ACOX1: variants seen among roughly 807,000 people sequenced by gnomAD.
ACOX1 encodes acyl-CoA oxidase 1.
A neutral mutation model predicts 75.5 loss-of-function variants in ACOX1; 41 were observed. The ratio of observed to expected loss-of-function variants is 0.54; its 90% CI spans 0.42 to 0.70. ACOX1 has a LOEUF of 0.70. Ranked by LOEUF, ACOX1 falls within the 30% of genes least tolerant of loss-of-function variation. The pLI is 0.00. For missense variants in ACOX1, 630 were observed against 837.5 expected (o/e 0.75, Z 3.06); for synonymous variants, 303 against 298.8 (o/e 1.01, Z -0.15).
chr17:75,943,902 A>G lies in ACOX1; in HGVS notation c.*2846T>C, dbSNP rs2065696430. 1 of 152,198 alleles carries G rather than the reference A, an allele frequency of 6.6e-6. No individual in the cohort carries two copies. The allele number at this position is 152,198 out of a possible 1,614,324, so 9.4% of individuals were successfully genotyped here. ...ACTTTTTAAAAAAAGGCTTAAATCA[A>G]TATTATCTAACACACACAAAAAATC... On this transcript the variant is annotated 3_prime_UTR_variant, in exon 14 of 14. Transcript: ENST00000293217.
At chr17:75,946,852 A>G in intron 13 of ACOX1, 57 bp from the exon 14 acceptor site, 2 of 1,528,990 alleles carry the variant, frequency 1.3e-6, no homozygotes, top group Non-Finnish European at 1.8e-6. Flanking sequence ...GTTAAATAGT[A>G]TACTGTTTTT....
At chr17:75,959,028 T>A (rs2065865325) in intron 3 of ACOX1, among the ~76,000 whole-genome samples, 1 of 152,262 alleles carries the variant, frequency 6.6e-6, no homozygotes, top group Non-Finnish European at 1.5e-5. Context: ...ATGTTTTAAA[T>A]CTTAACACAA....
chr17:75,946,426 A>C lies in ACOX1; in HGVS notation c.*322T>G. The C allele has an allele frequency of 5.4e-6, 2 of 367,024 alleles. No homozygotes were observed. The highest frequency in any genetic ancestry group is 1.0e-5 in the Non-Finnish European group (2 of 191,386). 22.7% of individuals were successfully genotyped at this position (367,024 alleles called of 1,614,324 possible). On this transcript the variant is annotated 3_prime_UTR_variant, in exon 14 of 14. Coordinates refer to ENST00000293217, the MANE Select transcript of ACOX1 (RefSeq NM_004035.7). ...TGATTAGCAATTAAAATGTGAAAATAATCAACTACTCAGTAGTTAAATTCT... is the reference window on the plus strand; with the variant it reads ...TGATTAGCAATTAAAATGTGAAAATCATCAACTACTCAGTAGTTAAATTCT...
chr17:75,962,528 T>C (rs552159691), intron 2 of ACOX1, among the ~76,000 whole-genome samples: 1 of 152,294 alleles, frequency 6.6e-6, no homozygotes, highest in Non-Finnish European at 1.5e-5. Flanking sequence ...TAAATGACAG[T>C]TCAGTTTTTA....
At chr17:75,961,187 G>A (rs1226579370) in intron 2 of ACOX1, among the ~76,000 whole-genome samples, 1 of 151,166 alleles carries the variant, frequency 6.6e-6, no homozygotes, top group South Asian at 2.1e-4. Context: ...CAGCTACTCA[G>A]GAGGCTGAGG....
At position 75,971,892 on chromosome 17, in the gene ACOX1, A is replaced by T. The variant is rs533710175; in HGVS notation, c.269+6642T>A. Among the ~76,000 whole-genome samples, 14 of 152,356 alleles carry T rather than the reference A, an allele frequency of 9.2e-5. No individual in the cohort carries two copies. The South Asian group carries it at 2.9e-3, about 32-fold the overall frequency. On this transcript the variant is annotated intron_variant, in intron 2 of 13. Coordinates refer to ENST00000293217, the MANE Select transcript of ACOX1 (RefSeq NM_004035.7). The stretch of plus-strand genomic sequence containing the variant: ...ACATCTTATGCCTCCTATGAACAGC[A>T]TGACTGTTAAGTCGAATAAATTCTA...
intron 2 of ACOX1, among the ~76,000 whole-genome samples, chr17:75,968,484 T>C (rs1467021458): frequency 7.6e-6 from 1 of 131,442 alleles, no homozygotes; most frequent in East Asian, 2.1e-4. Context: ...AGGGTGCCAG[T>C]AGTACCAGCT....
intron 3 of ACOX1, among the ~76,000 whole-genome samples, chr17:75,958,557 C>G (rs947907812): frequency 6.6e-6 from 1 of 150,718 alleles, no homozygotes; most frequent in Non-Finnish European, 1.5e-5. Context: ...GCCTGTAATC[C>G]CAGCACTTTG....
chr17:75,946,819 A>G, intron 13 of ACOX1, 24 bp from the exon 14 acceptor site: 14 of 1,609,426 alleles, frequency 8.7e-6, no homozygotes, highest in African/African-American at 1.3e-5. Flanking sequence ...AGAGAGAAGA[A>G]CTACTAATAA....
In ACOX1 at chr17:75,949,271, T is replaced by C; in HGVS notation, c.1674A>G (p.Leu558=). The C allele has an allele frequency of 1.2e-6, 2 of 1,614,242 alleles. No homozygotes were observed. Among genetic ancestry groups the C allele is most frequent in the Non-Finnish European group, 1.7e-6 (2 of 1,180,038 alleles). ...DKAIQAVLRS[L]CLLYSLYGIS... is the part of the protein sequence containing the mutation. Reference sequence around the variant, plus strand: ...TTCCATACAGAGAATACAGCAGACATAAACTCCTTAAGACAGCTTGAATGG... The same window carrying C: ...TTCCATACAGAGAATACAGCAGACACAAACTCCTTAAGACAGCTTGAATGG... The change falls in exon 12 of 14, where the codon TTA becomes TTG. Residue 558 remains leucine (L), a synonymous_variant. Transcript: ENST00000293217.
intron 2 of ACOX1, among the ~76,000 whole-genome samples, chr17:75,975,050 C>CAAAA (rs1022347068): frequency 5.9e-3 from 228 of 38,738 alleles, no homozygotes; most frequent in Non-Finnish European, 7.6e-3. Context: ...ACTCTGTCTC[C>CAAAA]AAAAAAAAAA....
Position 75,960,839 on chromosome 17 carries a change from G to T in ACOX1, c.270-464C>A, listed in dbSNP as rs947537579. Among the ~76,000 whole-genome samples, 10 of 150,510 alleles carry T rather than the reference G, an allele frequency of 6.6e-5. No individual in the cohort carries two copies. Among genetic ancestry groups the T allele is most frequent in the African/African-American group, 2.0e-4 (8 of 40,912 alleles). On this transcript the variant is annotated intron_variant, in intron 2 of 13. Transcript: ENST00000293217. The surrounding 1 kb of genome is among the most constrained non-coding windows in gnomAD (Gnocchi z 4.4). ...CTAAAAATACAAAAATCAGCTGAAC[G>T]TGGTGGCGCCAGCCAGTAGTCCCAG... is the stretch of plus-strand genomic sequence containing the variant.
rs1228969481 is a variant in ACOX1 at position 75,942,248 on chromosome 17, G to A, written c.*4500C>T. The stretch of plus-strand genomic sequence containing the variant: ...GTTCAAGACCAGCCTGGCCAACTTG[G>A]TGAAACCCCTGTCTCTACTAAAAAT... On this transcript the variant is annotated 3_prime_UTR_variant, in exon 14 of 14. Transcript: ENST00000293217. 1 of 151,254 alleles carries A rather than the reference G, an allele frequency of 6.6e-6. No homozygotes were observed. The highest frequency in any genetic ancestry group is 1.5e-5 in the Non-Finnish European group (1 of 67,834). 9.4% of individuals were successfully genotyped at this position (151,254 alleles called of 1,614,324 possible).
At chr17:75,951,692 G>A in intron 7 of ACOX1, 115 bp from the exon 8 acceptor site, 2 of 1,023,298 alleles carry the variant, frequency 2.0e-6, no homozygotes, top group Non-Finnish European at 3.0e-6. Context: ...CCTCTTAAGG[G>A]CACTGTGAGG....
At chr17:75,952,830 C>CAA (rs561945963) in intron 7 of ACOX1, among the ~76,000 whole-genome samples, 6,838 of 75,004 alleles carry the variant, frequency 0.091, 549 homozygotes, top group African/African-American at 0.26. Context: ...GAATCCATCT[C>CAA]AAAAAAAAAA....
chr17:75,969,923 A>G lies in ACOX1; in HGVS notation c.269+8611T>C, dbSNP rs146794737. On this transcript the variant is annotated intron_variant, in intron 2 of 13. Coordinates refer to ENST00000293217, the MANE Select transcript of ACOX1 (RefSeq NM_004035.7). ...AAAGAGGCCGGGTGCAGTGGCTTAC[A>G]CTTCTAATCCCAGCACTTTGGGAGG... is the stretch of plus-strand genomic sequence containing the variant. 3.5e-3 allele frequency among the ~76,000 whole-genome samples: 531 copies of G among 152,160 alleles called. 5 individuals carry two copies. The highest frequency in any genetic ancestry group is 0.012 in the African/African-American group (514 of 41,524).
intron 12 of ACOX1, 91 bp from the exon 13 acceptor site, chr17:75,948,548 T>C: frequency 8.4e-7 from 1 of 1,185,702 alleles, no homozygotes; most frequent in South Asian, 1.4e-5. Context: ...CGGATGACAA[T>C]TATTTTTTTC....
chr17:75,971,161 C>G lies in ACOX1; in HGVS notation c.269+7373G>C, dbSNP rs550946799. Among the ~76,000 whole-genome samples the G allele has an allele frequency of 9.2e-5, 14 of 151,788 alleles. 2 individuals carry two copies. The South Asian group carries it at 2.9e-3, about 32-fold the overall frequency. On this transcript the variant is annotated intron_variant, in intron 2 of 13. Coordinates refer to ENST00000293217, the MANE Select transcript of ACOX1 (RefSeq NM_004035.7). Reference sequence around the variant, plus strand: ...ACAAAATTAGCCGGGCATGGTGGCACACGCCTCTAATCCCAGCTACTAGGG... The same window carrying G: ...ACAAAATTAGCCGGGCATGGTGGCAGACGCCTCTAATCCCAGCTACTAGGG...
At chr17:75,967,863 T>A (rs1039679810) in intron 2 of ACOX1, among the ~76,000 whole-genome samples, 1 of 150,212 alleles carries the variant, frequency 6.7e-6, no homozygotes, top group Non-Finnish European at 1.5e-5. Context: ...GCTTCAGCCT[T>A]CCGAGTAGCT....
Sources: allele counts gnomAD v4.1 joint callset (sites outside exome capture counted in the v4.1 genomes callset), GRCh38; gene constraint gnomAD v4.1.1; non-coding constraint Gnocchi (gnomAD v3.1); transcripts MANE v1.5; gene names NCBI Gene and HGNC (gene_info 2026-07-23, HGNC 2026-07-21).